CDK13: variants seen among roughly 807,000 people sequenced by gnomAD.
The protein encoded by CDK13 is cyclin-dependent kinase 13.
A neutral mutation model predicts 137.6 loss-of-function variants in CDK13; 40 were observed. The observed-to-expected ratio is 0.29, with a 90% CI of 0.23 to 0.38. CDK13 has a LOEUF of 0.38. CDK13 is among the 10% of genes least tolerant of loss of function. The pLI is 1.00. For missense variants in CDK13, 1,704 were observed against 1,951.8 expected, an observed-to-expected ratio of 0.87 and a Z score of 2.39; for synonymous variants, 869 against 760.1, an observed-to-expected ratio of 1.14 and a Z score of -2.36.
At chr7:40,000,757 T>C (rs1015335491) in intron 4 of CDK13, among the ~76,000 whole-genome samples, 3 of 152,178 alleles carry the variant, frequency 2.0e-5, no homozygotes, top group African/African-American at 7.2e-5. Context: ...TCCATAAAAA[T>C]TAATAGAATA....
At chr7:39,993,029 A>G (rs1380591540) in intron 2 of CDK13, among the ~76,000 whole-genome samples, 1 of 152,180 alleles carries the variant, frequency 6.6e-6, no homozygotes, top group Non-Finnish European at 1.5e-5. Context: ...CTTTGCAATT[A>G]GAAGTGAGCT....
chr7:40,061,543 A>G (rs530659593), intron 7 of CDK13: 1 of 152,320 alleles, frequency 6.6e-6, no homozygotes, highest in Non-Finnish European at 1.5e-5. Flanking sequence ...TTTCCTTAAC[A>G]AGACTGGTCC....
intron 7 of CDK13, 45 bp downstream of exon 7, chr7:40,047,922 A>G: frequency 8.3e-7 from 1 of 1,201,008 alleles, no homozygotes; most frequent in Non-Finnish European, 1.2e-6. Flanking sequence ...AGAGTTTAGT[A>G]TTAGAAGCTA....
chr7:40,051,966 T>C lies in CDK13; in HGVS notation c.2600+4089T>C, dbSNP rs547532835. On this transcript the variant is annotated intron_variant, in intron 7 of 13. Transcript: ENST00000181839. ...ATTTCTTCATTAACTGTTCATCTTT[T>C]AGTATATGGTTTTTTAAGTATAGTT... Among the ~76,000 whole-genome samples, 3 of 152,350 alleles carry C rather than the reference T, an allele frequency of 2.0e-5. No individual in the cohort carries two copies. In the South Asian group the frequency reaches 6.2e-4, roughly 32 times the overall value.
In CDK13 at chr7:40,091,635, C is replaced by T. The variant is rs1302392503; in HGVS notation, c.3236-1150C>T. On this transcript the variant is annotated intron_variant, in intron 12 of 13. Coordinates refer to ENST00000181839, the MANE Select transcript of CDK13 (RefSeq NM_003718.5). ...AAACGCCCCTTCAGCAAAAGAGGCA[C>T]CTCAATTAAAGACCACATCCCTGAA... is the stretch of plus-strand genomic sequence containing the variant. Among the ~76,000 whole-genome samples, 4 of 152,206 alleles carry T rather than the reference C, an allele frequency of 2.6e-5. No homozygotes were observed. The East Asian group carries it at 7.7e-4, about 29-fold the overall frequency.
chr7:39,996,479 G>A (rs1784562429), intron 2 of CDK13, among the ~76,000 whole-genome samples: 1 of 152,054 alleles, frequency 6.6e-6, no homozygotes, highest in Admixed American at 6.5e-5. Flanking sequence ...AAAGTACAAA[G>A]CTAATGGAGT....
chr7:39,965,672 G>A (rs1456817872), intron 1 of CDK13, among the ~76,000 whole-genome samples: 1 of 152,108 alleles, frequency 6.6e-6, no homozygotes, highest in African/African-American at 2.4e-5. Flanking sequence ...GATGTTAGCT[G>A]GTTATTTTGC....
intron 1 of CDK13, among the ~76,000 whole-genome samples, chr7:39,981,445 A>G (rs773424): frequency 0.45 from 68,667 of 151,880 alleles, 17,560 homozygotes; most frequent in East Asian, 0.63. Context: ...CTTTTAGTAA[A>G]ACATTATCAT....
intron 1 of CDK13, among the ~76,000 whole-genome samples, chr7:39,956,367 T>C (rs1787408227): frequency 6.6e-6 from 1 of 152,232 alleles, no homozygotes; most frequent in African/African-American, 2.4e-5. Context: ...CATTTACATC[T>C]ACTCAGTCCT....
At chr7:40,013,553 A>T (rs1270418084) in intron 5 of CDK13, among the ~76,000 whole-genome samples, 2 of 152,222 alleles carry the variant, frequency 1.3e-5, no homozygotes, top group Admixed American at 6.5e-5. Context: ...AAATATCTAG[A>T]ATAGGTGCCA....
intron 5 of CDK13, among the ~76,000 whole-genome samples, chr7:40,033,865 G>A (rs1785429386): frequency 6.6e-6 from 1 of 152,166 alleles, no homozygotes; most frequent in African/African-American, 2.4e-5. Context: ...CAGTGAGACA[G>A]GAGTGCTAGA....
At chr7:40,063,645 C>CTTTTA (rs990376708) in intron 9 of CDK13, among the ~76,000 whole-genome samples, 1 of 151,882 alleles carries the variant, frequency 6.6e-6, no homozygotes, top group African/African-American at 2.4e-5. Context: ...TTCTCTTTAT[C>CTTTTA]TTTTATTTTA....
chr7:39,976,334 C>CACACACAT (rs1784111373), intron 1 of CDK13, among the ~76,000 whole-genome samples: 1 of 147,896 alleles, frequency 6.8e-6, no homozygotes. Context: ...CACACACACA[C>CACACACAT]ACACACACAC....
intron 9 of CDK13, chr7:40,069,167 C>T (rs532721100): frequency 8.3e-6 from 3 of 363,134 alleles, no homozygotes; most frequent in Admixed American, 7.0e-5. Flanking sequence ...CAAGGGAGGT[C>T]GAGGCTACAG....
chr7:39,966,530 T>C (rs568465577), intron 1 of CDK13, among the ~76,000 whole-genome samples: 1 of 152,192 alleles, frequency 6.6e-6, no homozygotes, highest in African/African-American at 2.4e-5. Flanking sequence ...TTCAAGGTTT[T>C]TAACTTCTTT....
intron 5 of CDK13, among the ~76,000 whole-genome samples, chr7:40,002,451 A>G (rs1202269615): frequency 6.6e-6 from 1 of 152,156 alleles, no homozygotes; most frequent in Admixed American, 6.5e-5. Flanking sequence ...CATACTTGAA[A>G]TTGCCTTTAA....
In CDK13 at chr7:39,987,795, G is replaced by A. The variant is rs1191985078; in HGVS notation, c.1408G>A (p.Ala470Thr). The change falls in exon 2 of 14, where the codon GCA becomes ACA. Residue 470 changes from alanine to threonine, a missense_variant. By Grantham distance (58) the Ala-to-Thr change is moderately conservative. Coordinates refer to ENST00000181839, the MANE Select transcript of CDK13 (RefSeq NM_003718.5). The stretch of plus-strand genomic sequence containing the variant: ...AGCAGAGGCAGCAAGAGCCGCAGAA[G>A]CAGCGAAAGCTGCAGAAGCAACTAA... ...RAAEAARAAEAAKAAEATKAA... is the reference protein window; with the variant it reads ...RAAEAARAAETAKAAEATKAA... The A allele has an allele frequency of 2.5e-6, 4 of 1,613,692 alleles. No homozygotes were observed. Among genetic ancestry groups the A allele is most frequent in the Non-Finnish European group, 3.4e-6 (4 of 1,179,974 alleles).
At chr7:40,019,529 C>T (rs1785069312) in intron 5 of CDK13, among the ~76,000 whole-genome samples, 1 of 152,112 alleles carries the variant, frequency 6.6e-6, no homozygotes, top group Non-Finnish European at 1.5e-5. Context: ...TGGTGGACCT[C>T]ATTCTTTTCT....
At chr7:39,995,536 A>G (rs113333567) in intron 2 of CDK13, among the ~76,000 whole-genome samples, 14 of 152,290 alleles carry the variant, frequency 9.2e-5, no homozygotes, top group African/African-American at 3.1e-4. Context: ...ACTTTATCCT[A>G]CTTCCTACCT....
Sources: allele counts gnomAD v4.1 joint callset (sites outside exome capture counted in the v4.1 genomes callset), GRCh38; gene constraint gnomAD v4.1.1; transcripts MANE v1.5; gene names NCBI Gene and HGNC (gene_info 2026-07-23, HGNC 2026-07-21).